IL1RAPL1: variants seen among roughly 807,000 people sequenced by gnomAD.
IL1RAPL1 encodes the protein interleukin 1 receptor accessory protein like 1.
In IL1RAPL1, 3 loss-of-function variants were observed where a neutral mutation model predicts 48.4. That is an observed-to-expected ratio of 0.06 (90% CI 0.03 to 0.16). The LOEUF (loss-of-function observed/expected upper bound fraction) is 0.16. IL1RAPL1 is among the 10% of genes least tolerant of loss of function. IL1RAPL1 has a pLI of 1.00. For synonymous variants in IL1RAPL1, 185 were observed against 187.7 expected, an observed-to-expected ratio of 0.99 and a Z score of 0.12; for missense variants, 349 against 530.6, an observed-to-expected ratio of 0.66 and a Z score of 3.36.
intron 3 of IL1RAPL1, among the ~76,000 whole-genome samples, chrX:29,350,191 T>TTATATATGTATATATATATA (rs1203248525): frequency 7.6e-5 from 3 of 39,424 alleles, no homozygotes; most frequent in African/African-American, 5.2e-4. Flanking sequence ...TACTGTTATT[T>TTATATATGTATATATATATA]TATATATATA....
chrX:28,601,407 A>G (rs1217865944), intron 1 of IL1RAPL1, among the ~76,000 whole-genome samples: 2 of 111,780 alleles, frequency 1.8e-5, no homozygotes, highest in African/African-American at 3.3e-5. Flanking sequence ...CCTGAGTGAC[A>G]GAGCAAGACT....
At chrX:28,669,011 C>T (rs1934916680) in intron 1 of IL1RAPL1, among the ~76,000 whole-genome samples, 1 of 111,295 alleles carries the variant, frequency 9.0e-6, no homozygotes, top group Non-Finnish European at 1.9e-5. Flanking sequence ...GTGTTTGACA[C>T]GTATTTGATA....
intron 5 of IL1RAPL1, among the ~76,000 whole-genome samples, chrX:29,530,513 G>C (rs12841004): frequency 0.095 from 10,622 of 111,391 alleles, 425 homozygotes; most frequent in South Asian, 0.29. Context: ...ATGGAGGTAG[G>C]GTATTTGTAC....
At chrX:29,913,638 C>G (rs1932777082) in intron 6 of IL1RAPL1, among the ~76,000 whole-genome samples, 1 of 110,864 alleles carries the variant, frequency 9.0e-6, no homozygotes, top group Admixed American at 9.6e-5. Context: ...GTGCTTATTC[C>G]TTATGTGATC....
intron 5 of IL1RAPL1, among the ~76,000 whole-genome samples, chrX:29,406,123 C>T (rs1602219497): frequency 8.9e-6 from 1 of 112,007 alleles, no homozygotes; most frequent in South Asian, 3.7e-4. Context: ...GGCACAGTGG[C>T]TCACGCCTAT....
chrX:28,963,929 G>A (rs1416214319), intron 2 of IL1RAPL1, among the ~76,000 whole-genome samples: 2 of 110,647 alleles, frequency 1.8e-5, no homozygotes, highest in Non-Finnish European at 3.8e-5. Context: ...ATTTTTATAT[G>A]TATCATTCTA....
At chrX:28,985,780 C>G (rs1366695571) in intron 2 of IL1RAPL1, among the ~76,000 whole-genome samples, 2 of 109,004 alleles carry the variant, frequency 1.8e-5, no homozygotes, top group Admixed American at 9.7e-5. Flanking sequence ...CTGCCTCAGC[C>G]TCCCGAGTAG....
chrX:29,426,998 TAAAA>T lies in IL1RAPL1; in HGVS notation c.703+27703_703+27706del, dbSNP rs35208878. 3.2e-3 allele frequency among the ~76,000 whole-genome samples: 332 copies of T among 103,832 alleles called. 3 individuals carry two copies. Among genetic ancestry groups the T allele is most frequent in the African/African-American group, 9.6e-3 (283 of 29,336 alleles). 90.2% of individuals were successfully genotyped at this position (103,832 alleles called of 115,157 possible). A position where few individuals can be genotyped will look rare whatever the true frequency, so the allele number is the denominator to read the frequency against. On this transcript the variant is annotated intron_variant, in intron 5 of 10. Transcript: ENST00000378993. ...GATAATTGGATTTTAAAAACCTTTT[TAAAA>T]AAAAAAAAAAAAGATTTGCATATTA...
intron 1 of IL1RAPL1, among the ~76,000 whole-genome samples, chrX:28,776,230 G>A (rs754577219): frequency 2.5e-4 from 28 of 111,522 alleles, no homozygotes; most frequent in Admixed American, 2.5e-3. Flanking sequence ...TTGTGGAGGT[G>A]GTAAGAACTA....
chrX:28,834,894 T>C (rs961890115), intron 2 of IL1RAPL1, among the ~76,000 whole-genome samples: 3 of 111,315 alleles, frequency 2.7e-5, no homozygotes, highest in Non-Finnish European at 5.7e-5. Flanking sequence ...TGAGCTCCAC[T>C]GTGTGCCAAA....
chrX:28,940,324 A>T (rs1201306458), intron 2 of IL1RAPL1, among the ~76,000 whole-genome samples: 2 of 111,330 alleles, frequency 1.8e-5, no homozygotes, highest in African/African-American at 6.5e-5. Context: ...TATTTATGAG[A>T]GCAAAAATAT....
intron 5 of IL1RAPL1, among the ~76,000 whole-genome samples, chrX:29,481,468 T>C (rs1935041495): frequency 8.9e-6 from 1 of 112,648 alleles, no homozygotes; most frequent in South Asian, 3.7e-4. Context: ...CTAAAGGTAT[T>C]CTAAGCTCAG....
chrX:29,707,331 T>C (rs369955058), intron 6 of IL1RAPL1, among the ~76,000 whole-genome samples: 5 of 112,091 alleles, frequency 4.5e-5, no homozygotes, highest in East Asian at 5.6e-4. Flanking sequence ...ACTTTTATGC[T>C]ATTGGTGGGA....
intron 2 of IL1RAPL1, among the ~76,000 whole-genome samples, chrX:29,059,282 T>C (rs1433695396): frequency 1.8e-5 from 2 of 111,978 alleles, no homozygotes; most frequent in African/African-American, 6.5e-5. Context: ...ACTGCAAAGA[T>C]AACAGAATTT....
intron 5 of IL1RAPL1, among the ~76,000 whole-genome samples, chrX:29,582,964 G>A (rs893535664): frequency 2.9e-5 from 2 of 68,951 alleles, no homozygotes; most frequent in African/African-American, 1.1e-4. Context: ...CTGAGGAATC[G>A]CCACACTGAC....
intron 2 of IL1RAPL1, among the ~76,000 whole-genome samples, chrX:28,995,769 T>A (rs1925710205): frequency 9.0e-6 from 1 of 110,628 alleles, no homozygotes. Flanking sequence ...AAGAAAGGGG[T>A]AGTGGCAAAA....
chrX:28,658,257 G>A (rs1445102101), intron 1 of IL1RAPL1, among the ~76,000 whole-genome samples: 1 of 112,240 alleles, frequency 8.9e-6, no homozygotes. Flanking sequence ...TCACTCTGTT[G>A]CCCAGGCTGG....
chrX:29,801,032 A>C (rs1569172033), intron 6 of IL1RAPL1, among the ~76,000 whole-genome samples: 12 of 64,283 alleles, frequency 1.9e-4, no homozygotes, highest in Non-Finnish European at 2.6e-4. Flanking sequence ...AAAAAAAAAA[A>C]AACTCTCCGT....
At chrX:29,239,076 C>T (rs761935748) in intron 2 of IL1RAPL1, among the ~76,000 whole-genome samples, 2 of 111,870 alleles carry the variant, frequency 1.8e-5, no homozygotes, top group Admixed American at 1.9e-4. Flanking sequence ...AAAAAGCTTT[C>T]TTTAAAAAGA....
Sources: allele counts gnomAD v4.1 joint callset (sites outside exome capture counted in the v4.1 genomes callset), GRCh38; gene constraint gnomAD v4.1.1; transcripts MANE v1.5; gene names NCBI Gene and HGNC (gene_info 2026-07-23, HGNC 2026-07-21).